The following THSD4 variants were observed in gnomAD, a reference collection of about 807,000 sequenced individuals.
THSD4 encodes thrombospondin type-1 domain-containing protein 4.
THSD4 carries 69 observed loss-of-function variants against 119.0 expected under a neutral mutation model. The observed-to-expected ratio is 0.58, with a 90% CI of 0.48 to 0.71. The LOEUF is 0.71. THSD4 is among the 30% of genes least tolerant of loss of function. THSD4 has a pLI of 0.00. For synonymous variants in THSD4, 524 were observed against 540.4 expected, an observed-to-expected ratio of 0.97 and a Z score of 0.42; for missense variants, 1,393 against 1,391.1, an observed-to-expected ratio of 1.00 and a Z score of -0.02.
intron 3 of THSD4, among the ~76,000 whole-genome samples, chr15:71,204,071 A>G (rs2140240976): frequency 6.6e-6 from 1 of 152,284 alleles, no homozygotes; most frequent in South Asian, 2.1e-4. Flanking sequence ...CTTGCCGTGG[A>G]GAGCATGAGG....
chr15:71,442,579 A>AATATAT (rs1555414268), intron 7 of THSD4, among the ~76,000 whole-genome samples: 9 of 39,860 alleles, frequency 2.3e-4, no homozygotes, highest in South Asian at 1.3e-3. Flanking sequence ...AAAAAAAAAA[A>AATATAT]ATATATATAT....
rs750590892 is a variant in THSD4 at position 71,777,390 on chromosome 15, A to G, written c.*16A>G. ...GAGCAGATAACACTCCTGCACCCCCATCAGTAGGGCAGCATCACTGCCTTC... is the reference window on the plus strand; with the variant it reads ...GAGCAGATAACACTCCTGCACCCCCGTCAGTAGGGCAGCATCACTGCCTTC... On this transcript the variant is annotated 3_prime_UTR_variant, in exon 18 of 18. Transcript: ENST00000261862. 9 of 1,610,536 alleles carry G rather than the reference A, an allele frequency of 5.6e-6. No homozygotes were observed. The highest frequency in any genetic ancestry group is 1.7e-6 in the Non-Finnish European group (2 of 1,178,952).
chr15:71,588,504 G>A (rs751160997), intron 7 of THSD4, among the ~76,000 whole-genome samples: 23 of 151,908 alleles, frequency 1.5e-4, no homozygotes, highest in Non-Finnish European at 2.8e-4. Flanking sequence ...GCTTACCACA[G>A]CCTCGACCTC....
chr15:71,633,304 C>A (rs1265574591), intron 7 of THSD4, among the ~76,000 whole-genome samples: 1 of 113,922 alleles, frequency 8.8e-6, no homozygotes, highest in Non-Finnish European at 1.7e-5. Context: ...GAGACAGGGT[C>A]TCACTCTGTT....
At chr15:71,534,228 G>A (rs1161938348) in intron 7 of THSD4, among the ~76,000 whole-genome samples, 1 of 152,166 alleles carries the variant, frequency 6.6e-6, no homozygotes, top group East Asian at 1.9e-4. Context: ...AGGATTATAG[G>A]CATGAGCCAC....
intron 7 of THSD4, among the ~76,000 whole-genome samples, chr15:71,456,559 AGCAGTTTGCCT>A (rs2047343147): frequency 6.6e-6 from 1 of 152,170 alleles, no homozygotes; most frequent in Non-Finnish European, 1.5e-5. Context: ...TGAGGTACAT[AGCAGTTTGCCT>A]GCAGTCTTAT....
At chr15:71,232,742 G>A (rs1051345226) in intron 4 of THSD4, among the ~76,000 whole-genome samples, 2 of 152,202 alleles carry the variant, frequency 1.3e-5, no homozygotes, top group African/African-American at 4.8e-5. Context: ...AGATGATGAA[G>A]GGTGGAATGT....
At chr15:71,406,643 G>GGTGTGTGT (rs56347233) in intron 6 of THSD4, among the ~76,000 whole-genome samples, 101 of 126,262 alleles carry the variant, frequency 8.0e-4, no homozygotes, top group Middle Eastern at 4.1e-3. Flanking sequence ...AGGTTTGTTT[G>GGTGTGTGT]GTGTGTGTGT....
intron 3 of THSD4, among the ~76,000 whole-genome samples, chr15:71,191,517 T>G (rs551644764): frequency 3.3e-5 from 5 of 152,310 alleles, no homozygotes; most frequent in African/African-American, 7.2e-5. Flanking sequence ...AGTACATCTG[T>G]TATTCTACTT....
intron 6 of THSD4, among the ~76,000 whole-genome samples, chr15:71,292,363 T>C (rs1272617779): frequency 2.6e-5 from 4 of 152,178 alleles, no homozygotes; most frequent in Non-Finnish European, 5.9e-5. Context: ...GCTTGTGTAG[T>C]TTCTTCCAAT....
intron 7 of THSD4, among the ~76,000 whole-genome samples, chr15:71,627,283 T>G (rs984901864): frequency 3.3e-5 from 5 of 152,344 alleles, no homozygotes; most frequent in Admixed American, 3.3e-4. Context: ...TCAGCTCATA[T>G]GGGTTTGTGT....
At chr15:71,341,379 G>A (rs1242568476) in intron 6 of THSD4, 1 of 1,611,630 alleles carries the variant, frequency 6.2e-7, no homozygotes, top group Admixed American at 1.7e-5. Flanking sequence ...TCAATGACCA[G>A]AGAATCTACA....
intron 3 of THSD4, among the ~76,000 whole-genome samples, chr15:71,188,403 G>T (rs1238367247): frequency 6.6e-6 from 1 of 152,212 alleles, no homozygotes; most frequent in Non-Finnish European, 1.5e-5. Flanking sequence ...TGTGAGATGG[G>T]AGGGACAGAT....
At chr15:71,381,899 G>A (rs2046233800) in intron 6 of THSD4, among the ~76,000 whole-genome samples, 1 of 152,054 alleles carries the variant, frequency 6.6e-6, no homozygotes, top group African/African-American at 2.4e-5. Flanking sequence ...AGTCTACTCA[G>A]TTTAATATCT....
intron 6 of THSD4, among the ~76,000 whole-genome samples, chr15:71,374,264 T>C (rs1005618768): frequency 2.0e-5 from 3 of 152,200 alleles, no homozygotes; most frequent in Non-Finnish European, 4.4e-5. Context: ...ATTTTCTTCA[T>C]TTCAAATGTA....
chr15:71,659,003 G>T (rs552281192), intron 7 of THSD4, among the ~76,000 whole-genome samples: 1 of 152,274 alleles, frequency 6.6e-6, no homozygotes, highest in East Asian at 1.9e-4. Context: ...TGACCTATAG[G>T]ACCTACCTGA....
At chr15:71,530,619 T>C (rs2048593899) in intron 7 of THSD4, among the ~76,000 whole-genome samples, 4 of 152,148 alleles carry the variant, frequency 2.6e-5, no homozygotes, top group African/African-American at 9.7e-5. Context: ...TCAGCTGACA[T>C]CTCAGTGATT....
intron 6 of THSD4, among the ~76,000 whole-genome samples, chr15:71,377,908 A>ACACC (rs59270913): frequency 1.6e-5 from 2 of 124,918 alleles, no homozygotes; most frequent in African/African-American, 3.4e-5. Context: ...ACACACACAC[A>ACACC]CACACAATTT....
At chr15:71,169,085 G>T (rs1412558505) in intron 3 of THSD4, among the ~76,000 whole-genome samples, 1 of 152,130 alleles carries the variant, frequency 6.6e-6, no homozygotes, top group East Asian at 1.9e-4. Flanking sequence ...AATATATAAA[G>T]AACCCCTTCA....
Sources: gnomAD v4.1 joint callset for allele counts (sites outside exome capture counted in the v4.1 genomes callset) on GRCh38, gnomAD v4.1.1 for gene constraint, MANE v1.5 for transcripts, NCBI Gene and HGNC (gene_info 2026-07-23, HGNC 2026-07-21) for gene names.